Variants in NRCAM observed in about 807,000 individuals in gnomAD.
NRCAM encodes neuronal cell adhesion molecule, also known as NgCAM-related cell adhesion molecule.
NRCAM carries 83 observed loss-of-function variants against 156.5 expected under a neutral mutation model. The ratio of observed to expected loss-of-function variants is 0.53; its 90% CI spans 0.44 to 0.64. The LOEUF (loss-of-function observed/expected upper bound fraction) is 0.64. Ranked by LOEUF, NRCAM falls within the 30% of genes least tolerant of loss-of-function variation. The pLI is 0.00. For synonymous variants in NRCAM, 538 were observed against 563.9 expected, an observed-to-expected ratio of 0.95 and a Z score of 0.65; for missense variants, 1,417 against 1,597.3, an observed-to-expected ratio of 0.89 and a Z score of 1.92.
intron 14 of NRCAM, among the ~76,000 whole-genome samples, chr7:108,197,605 T>A (rs1324930742): frequency 6.6e-6 from 1 of 152,222 alleles, no homozygotes; most frequent in Non-Finnish European, 1.5e-5. Context: ...GAATCATTGT[T>A]ATTCAACTTG....
intron 1 of NRCAM, among the ~76,000 whole-genome samples, chr7:108,412,658 C>A (rs1207037997): frequency 6.6e-6 from 1 of 152,084 alleles, no homozygotes; most frequent in Non-Finnish European, 1.5e-5. Flanking sequence ...TTCCTCCTAA[C>A]TTGTTTTGTA....
At chr7:108,383,826 GT>G (rs1158255703) in intron 2 of NRCAM, among the ~76,000 whole-genome samples, 3 of 152,042 alleles carry the variant, frequency 2.0e-5, no homozygotes, top group Non-Finnish European at 4.4e-5. Context: ...TGTGTGCTTG[GT>G]TTTTTTCTTC....
chr7:108,443,516 G>C (rs1489877662), intron 1 of NRCAM, among the ~76,000 whole-genome samples: 2 of 152,220 alleles, frequency 1.3e-5, no homozygotes, highest in East Asian at 1.9e-4. Flanking sequence ...TTGTCTAAGA[G>C]ATAGCTCATT....
intron 11 of NRCAM, among the ~76,000 whole-genome samples, chr7:108,215,777 C>T (rs2088176231): frequency 6.7e-6 from 1 of 148,584 alleles, no homozygotes; most frequent in African/African-American, 2.5e-5. Context: ...AATATTCCTC[C>T]ATCCCTTTAT....
intron 20 of NRCAM, among the ~76,000 whole-genome samples, chr7:108,185,873 A>G (rs2066450165): frequency 6.6e-6 from 1 of 152,220 alleles, no homozygotes; most frequent in Admixed American, 6.5e-5. Context: ...TGTAAATGTA[A>G]AACGAAATTA....
At chr7:108,337,674 T>A (rs2099214664) in intron 2 of NRCAM, among the ~76,000 whole-genome samples, 2 of 152,130 alleles carry the variant, frequency 1.3e-5, no homozygotes, top group South Asian at 4.1e-4. Flanking sequence ...AAGATTCCAT[T>A]CCTTGGAATC....
chr7:108,420,338 G>A (rs1302302505), intron 1 of NRCAM, among the ~76,000 whole-genome samples: 8 of 152,130 alleles, frequency 5.3e-5, no homozygotes, highest in African/African-American at 1.9e-4. Context: ...TGACTTCTGA[G>A]AAGGTCTCTA....
intron 1 of NRCAM, among the ~76,000 whole-genome samples, chr7:108,428,018 G>A (rs1819620920): frequency 6.6e-6 from 1 of 152,170 alleles, no homozygotes; most frequent in East Asian, 1.9e-4. Context: ...ATAATAAAAA[G>A]GGGTCATGGG....
rs894711384 is a variant in NRCAM at position 108,284,201 on chromosome 7, C to T, written c.-107+28464G>A. On this transcript the variant is annotated intron_variant, in intron 3 of 32. Coordinates refer to ENST00000379028, the MANE Select transcript of NRCAM (RefSeq NM_001037132.4). The stretch of plus-strand genomic sequence containing the variant: ...TTCTACTTTGTCTTTGTTGTTCCTA[C>T]TATAAACATCTGATGTTTGAACTAC... Among the ~76,000 whole-genome samples, 5 of 152,104 alleles carry T rather than the reference C, an allele frequency of 3.3e-5. No homozygotes were observed. In the East Asian group the frequency reaches 7.7e-4, roughly 23 times the overall value.
At position 108,368,447 on chromosome 7, in the gene NRCAM, T is replaced by A. The variant is rs16872511; in HGVS notation, c.-174+30989A>T. Reference sequence around the variant, plus strand: ...CACACTTCTGAAATACAGTAAAAAATCTTTTCCGTTGAAAAAGAGGAAAGA... The same window carrying A: ...CACACTTCTGAAATACAGTAAAAAAACTTTTCCGTTGAAAAAGAGGAAAGA... On this transcript the variant is annotated intron_variant, in intron 2 of 32. Transcript: ENST00000379028. Among the ~76,000 whole-genome samples the A allele has an allele frequency of 7.5e-3, 1,145 of 152,048 alleles. 16 individuals carry two copies. The highest frequency in any genetic ancestry group is 0.027 in the African/African-American group (1,105 of 41,442).
In NRCAM at chr7:108,236,433, C is replaced by T. The variant is rs61494066; in HGVS notation, c.124+1319G>A. Among the ~76,000 whole-genome samples, 118 of 152,142 alleles carry T rather than the reference C, an allele frequency of 7.8e-4. No individual in the cohort carries two copies. In the East Asian group the frequency reaches 0.02, roughly 26 times the overall value. On this transcript the variant is annotated intron_variant, in intron 5 of 32. Transcript: ENST00000379028. ...TCTTTCCAGCTGCCCTTCCCCCCTC[C>T]GTCATCCATATGGAATCCTCATTTT...
At chr7:108,208,761 T>C (rs542118369) in intron 12 of NRCAM, among the ~76,000 whole-genome samples, 1 of 152,222 alleles carries the variant, frequency 6.6e-6, no homozygotes, top group Non-Finnish European at 1.5e-5. Flanking sequence ...CCCTGAGGTT[T>C]TGGGCTTTTG....
Position 108,374,822 on chromosome 7 carries a change from G to A in NRCAM, c.-174+24614C>T, listed in dbSNP as rs2099665506. On this transcript the variant is annotated intron_variant, in intron 2 of 32. Transcript: ENST00000379028. ...TAGGCTCATGATCAATGATTAGGGA[G>A]AGCTCAAAGAAAGTATGGGTTCCAA... 3.3e-5 allele frequency among the ~76,000 whole-genome samples: 5 copies of A among 152,202 alleles called. No homozygotes were observed. In the South Asian group the frequency reaches 1.0e-3, roughly 32 times the overall value.
At position 108,150,222 on chromosome 7, in the gene NRCAM, C is replaced by A. The variant is rs868221394; in HGVS notation, c.3678-75G>T. The A allele has an allele frequency of 1.2e-5, 15 of 1,240,524 alleles. No individual in the cohort carries two copies. The Middle Eastern group carries it at 2.3e-3, about 192-fold the overall frequency. 76.8% of individuals were successfully genotyped at this position (1,240,524 alleles called of 1,614,324 possible). On this transcript the variant is annotated intron_variant, in intron 32 of 32. Coordinates refer to ENST00000379028, the MANE Select transcript of NRCAM (RefSeq NM_001037132.4). The stretch of plus-strand genomic sequence containing the variant: ...TTTCTGTTTTTAAAGACCATGCATG[C>A]AAATTATGAGAAAGCATTTGGAGTC...
chr7:108,292,715 GGGATCAC>G (rs1455189615), intron 3 of NRCAM, among the ~76,000 whole-genome samples: 1 of 152,058 alleles, frequency 6.6e-6, no homozygotes, highest in East Asian at 1.9e-4. Context: ...TGTAAAAATG[GGGATCAC>G]GGCTCCTATC....
At chr7:108,317,427 A>C (rs1019118394) in intron 2 of NRCAM, among the ~76,000 whole-genome samples, 1 of 152,230 alleles carries the variant, frequency 6.6e-6, no homozygotes, top group African/African-American at 2.4e-5. Context: ...CAGCTAAAGT[A>C]ATAGTGTTTA....
chr7:108,453,053 T>C lies in NRCAM; in HGVS notation c.-332+3190A>G, dbSNP rs115237089. On this transcript the variant is annotated intron_variant, in intron 1 of 32. Coordinates refer to ENST00000379028, the MANE Select transcript of NRCAM (RefSeq NM_001037132.4). Reference sequence around the variant, plus strand: ...AAAAAACTCTGTGTGATGAAGTATGTAGCTAGATGATAAAATTAGAATTAA... The same window carrying C: ...AAAAAACTCTGTGTGATGAAGTATGCAGCTAGATGATAAAATTAGAATTAA... Among the ~76,000 whole-genome samples, 141 of 152,326 alleles carry C rather than the reference T, an allele frequency of 9.3e-4. 2 individuals are homozygous for C. Among genetic ancestry groups the C allele is most frequent in the African/African-American group, 3.3e-3 (138 of 41,568 alleles).
At chr7:108,158,699 T>G (rs6974903) in intron 32 of NRCAM, among the ~76,000 whole-genome samples, 24,315 of 152,138 alleles carry the variant, frequency 0.16, 2,589 homozygotes, top group African/African-American at 0.31. Context: ...AAAAGGTATT[T>G]TAAAAAGGTA....
chr7:108,291,087 A>G (rs2098275072), intron 3 of NRCAM, among the ~76,000 whole-genome samples: 1 of 152,150 alleles, frequency 6.6e-6, no homozygotes, highest in South Asian at 2.1e-4. Flanking sequence ...CTAGTCACTC[A>G]GTCGTTGACA....
Sources: gnomAD v4.1 joint callset for allele counts (sites outside exome capture counted in the v4.1 genomes callset) on GRCh38, gnomAD v4.1.1 for gene constraint, MANE v1.5 for transcripts, NCBI Gene and HGNC (gene_info 2026-07-23, HGNC 2026-07-21) for gene names.